CNST: variants seen among roughly 807,000 people sequenced by gnomAD.
The protein encoded by CNST is consortin, connexin sorting protein.
A neutral mutation model predicts 72.4 loss-of-function variants in CNST; 39 were observed. The ratio of observed to expected loss-of-function variants is 0.54; its 90% CI spans 0.42 to 0.70. The LOEUF is 0.70. CNST is among the 30% of genes least tolerant of loss of function. The pLI is 0.00. For synonymous variants in CNST, 332 were observed against 320.1 expected (o/e 1.04, Z -0.40); for missense variants, 871 against 868.5 (o/e 1.00, Z -0.04).
chr1:246,659,930 C>G (rs1666993359), intron 9 of CNST, among the ~76,000 whole-genome samples: 1 of 152,154 alleles, frequency 6.6e-6, no homozygotes, highest in Admixed American at 6.5e-5. Flanking sequence ...GTTCTGATTT[C>G]CAGTCGACTG....
chr1:246,597,841 G>A (rs562929566), intron 2 of CNST, among the ~76,000 whole-genome samples: 2 of 152,276 alleles, frequency 1.3e-5, no homozygotes, highest in East Asian at 3.9e-4. Flanking sequence ...CTGTAAGGAA[G>A]GCTGATCCTA....
intron 8 of CNST, among the ~76,000 whole-genome samples, chr1:246,645,423 A>ATTTTTTTTTTTTTTTTTTTTTTT (rs762655117): frequency 2.8e-5 from 3 of 106,072 alleles, no homozygotes; most frequent in African/African-American, 7.0e-5. Context: ...AAAGGTTAAA[A>ATTTTTTTTTTTTTTTTTTTTTTT]CTTTTTTTTT....
At chr1:246,611,457 C>A (rs1663311929) in intron 2 of CNST, among the ~76,000 whole-genome samples, 1 of 152,080 alleles carries the variant, frequency 6.6e-6, no homozygotes, top group African/African-American at 2.4e-5. Context: ...GAACTGTGCC[C>A]AGAGGGATGG....
chr1:246,598,795 C>T (rs1196410826), intron 2 of CNST, among the ~76,000 whole-genome samples: 1 of 152,114 alleles, frequency 6.6e-6, no homozygotes, highest in Non-Finnish European at 1.5e-5. Flanking sequence ...TGGCTAAGCC[C>T]CTGTAAGCAG....
intron 9 of CNST, among the ~76,000 whole-genome samples, chr1:246,648,782 A>G (rs1666279504): frequency 6.6e-6 from 1 of 152,196 alleles, no homozygotes; most frequent in African/African-American, 2.4e-5. Context: ...TTAGGATACT[A>G]GCTGCCTTTC....
chr1:246,612,462 C>CA (rs1356773695), intron 2 of CNST, among the ~76,000 whole-genome samples: 5 of 152,210 alleles, frequency 3.3e-5, no homozygotes, highest in African/African-American at 1.2e-4. Context: ...CTCAGCCTCC[C>CA]AAAGTGCTGG....
At chr1:246,596,370 A>C (rs1661880891) in intron 2 of CNST, among the ~76,000 whole-genome samples, 1 of 151,584 alleles carries the variant, frequency 6.6e-6, no homozygotes, top group Non-Finnish European at 1.5e-5. Flanking sequence ...CTGCACCCCA[A>C]CTTGGAGACA....
chr1:246,577,879 T>C (rs1660528869), intron 1 of CNST, among the ~76,000 whole-genome samples: 1 of 152,104 alleles, frequency 6.6e-6, no homozygotes, highest in East Asian at 1.9e-4. Flanking sequence ...TTTTGGACTT[T>C]GCTGACTCGT....
At chr1:246,586,857 T>C (rs1458772640) in intron 1 of CNST, among the ~76,000 whole-genome samples, 1 of 152,208 alleles carries the variant, frequency 6.6e-6, no homozygotes, top group African/African-American at 2.4e-5. Flanking sequence ...AGTAGCAATT[T>C]GGTATTTACA....
intron 8 of CNST, 43 bp downstream of exon 8, chr1:246,642,080 T>C (rs781782489): frequency 1.9e-6 from 2 of 1,046,280 alleles, no homozygotes; most frequent in South Asian, 1.5e-5. Flanking sequence ...AAAAGATACC[T>C]GCCTCTTCTG....
chr1:246,634,696 GAT>G, intron 6 of CNST, 109 bp downstream of exon 6: 1 of 671,162 alleles, frequency 1.5e-6, no homozygotes, highest in Non-Finnish European at 2.6e-6. Context: ...GAGAAATTAA[GAT>G]GGATATAATA....
intron 9 of CNST, among the ~76,000 whole-genome samples, chr1:246,659,907 T>C (rs1034354620): frequency 1.3e-5 from 2 of 152,178 alleles, no homozygotes; most frequent in African/African-American, 4.8e-5. Flanking sequence ...GAAGTTAAGC[T>C]ACAAAGCAAG....
chr1:246,625,569 G>A (rs542285547), intron 3 of CNST, among the ~76,000 whole-genome samples: 2 of 151,454 alleles, frequency 1.3e-5, no homozygotes, highest in South Asian at 2.1e-4. Flanking sequence ...CTACAGGCCC[G>A]TGCCACCACG....
At chr1:246,585,794 C>T (rs1384935895) in intron 1 of CNST, among the ~76,000 whole-genome samples, 1 of 150,862 alleles carries the variant, frequency 6.6e-6, no homozygotes, top group African/African-American at 2.4e-5. Context: ...AGTTTCTTTG[C>T]CTACGCTGGG....
intron 6 of CNST, among the ~76,000 whole-genome samples, chr1:246,636,745 T>C (rs1280708343): frequency 1.3e-5 from 2 of 152,224 alleles, no homozygotes; most frequent in African/African-American, 2.4e-5. Flanking sequence ...TACTCCTAGA[T>C]TTTTTACTTT....
rs1572097170 is a variant in CNST at position 246,566,681 on chromosome 1, G to C, written c.-52+18G>C. 5.0e-6 allele frequency: 2 copies of C among 401,064 alleles called. No homozygotes were observed. Among genetic ancestry groups the C allele is most frequent in the East Asian group, 7.1e-5 (2 of 28,094 alleles). The allele number at this position is 401,064 out of a possible 1,614,324, so 24.8% of individuals were successfully genotyped here. A position where few individuals can be genotyped will look rare whatever the true frequency, so the allele number is the denominator to read the frequency against. ...ATTCCCAGGTGAGGAGAGGAGGAGCGGGATGCAGGGGACCCGCCGGCTCGC... is the reference window on the plus strand; with the variant it reads ...ATTCCCAGGTGAGGAGAGGAGGAGCCGGATGCAGGGGACCCGCCGGCTCGC... On this transcript the variant is annotated intron_variant, in intron 1 of 10. Coordinates refer to ENST00000366513, the MANE Select transcript of CNST (RefSeq NM_152609.3).
In CNST at chr1:246,578,539, CA is replaced by C. The variant is rs1352662105; in HGVS notation, c.-52+11877del. Among the ~76,000 whole-genome samples, 15 of 152,108 alleles carry C rather than the reference CA, an allele frequency of 9.9e-5. No homozygotes were observed. In the South Asian group the frequency reaches 2.5e-3, roughly 25 times the overall value. On this transcript the variant is annotated intron_variant, in intron 1 of 10. Coordinates refer to ENST00000366513, the MANE Select transcript of CNST (RefSeq NM_152609.3). ...ACAAAAAATTAGCTGGGTGTGGTGGCACGTGCCTGTAGTCCCAGCTACTCGG... is the reference window on the plus strand; with the variant it reads ...ACAAAAAATTAGCTGGGTGTGGTGGCCGTGCCTGTAGTCCCAGCTACTCGG...
intron 2 of CNST, among the ~76,000 whole-genome samples, chr1:246,616,692 CTACA>C (rs964760005): frequency 1.3e-5 from 2 of 152,086 alleles, no homozygotes; most frequent in Non-Finnish European, 2.9e-5. Flanking sequence ...GTAGCTGGGA[CTACA>C]TACATACGCC....
At chr1:246,594,070 A>G (rs1383650204) in intron 2 of CNST, among the ~76,000 whole-genome samples, 1 of 152,200 alleles carries the variant, frequency 6.6e-6, no homozygotes, top group Non-Finnish European at 1.5e-5. Flanking sequence ...TGTCTTTAAG[A>G]ACTGATACTT....
Sources: allele counts gnomAD v4.1 joint callset (sites outside exome capture counted in the v4.1 genomes callset), GRCh38; gene constraint gnomAD v4.1.1; transcripts MANE v1.5; gene names NCBI Gene and HGNC (gene_info 2026-07-23, HGNC 2026-07-21).